The following FARS2 variants were observed in gnomAD, a reference collection of about 807,000 sequenced individuals.
The protein encoded by FARS2 is phenylalanyl-tRNA synthetase 2, mitochondrial.
In FARS2, 40 loss-of-function variants were observed where a neutral mutation model predicts 46.4. That is an observed-to-expected ratio of 0.86 (90% CI 0.67 to 1.12). The LOEUF is 1.12. FARS2 is among the 50% of genes most tolerant of loss of function. The pLI is 0.00. For missense variants in FARS2, 513 were observed against 567.9 expected (o/e 0.90, Z 0.98); for synonymous variants, 234 against 214.9 (o/e 1.09, Z -0.78).
chr6:5,445,819 C>T (rs1260502357), intron 4 of FARS2, among the ~76,000 whole-genome samples: 5 of 152,182 alleles, frequency 3.3e-5, no homozygotes, highest in Non-Finnish European at 7.3e-5. Context: ...CATGCCCATC[C>T]ATTGGCTGCT....
At chr6:5,725,061 T>C (rs1760159404) in intron 6 of FARS2, among the ~76,000 whole-genome samples, 1 of 152,266 alleles carries the variant, frequency 6.6e-6, no homozygotes, top group Non-Finnish European at 1.5e-5. Context: ...CAGTCAGCTA[T>C]GTCTTCTGTC....
At chr6:5,509,567 G>A (rs967016649) in intron 4 of FARS2, among the ~76,000 whole-genome samples, 21 of 152,170 alleles carry the variant, frequency 1.4e-4, no homozygotes, top group Non-Finnish European at 2.4e-4. Context: ...GGTTCTTAAG[G>A]GTAAGGCGAG....
intron 6 of FARS2, among the ~76,000 whole-genome samples, chr6:5,651,090 T>C (rs904866847): frequency 6.6e-6 from 1 of 152,128 alleles, no homozygotes; most frequent in Non-Finnish European, 1.5e-5. Flanking sequence ...CCCTCTCAGG[T>C]ATAAAGTAAT....
intron 6 of FARS2, among the ~76,000 whole-genome samples, chr6:5,623,813 G>GA (rs1443273257): frequency 1.3e-5 from 2 of 152,190 alleles, no homozygotes; most frequent in Non-Finnish European, 2.9e-5. Context: ...CCTGTGTTGG[G>GA]AAAATGCTGT....
At chr6:5,676,219 T>C (rs1021669352) in intron 6 of FARS2, among the ~76,000 whole-genome samples, 5 of 152,210 alleles carry the variant, frequency 3.3e-5, no homozygotes, top group African/African-American at 1.2e-4. Context: ...GGAAACACAC[T>C]TGAACCGAGC....
intron 1 of FARS2, among the ~76,000 whole-genome samples, chr6:5,349,881 GTT>G (rs199779414): frequency 5.2e-5 from 7 of 135,832 alleles, no homozygotes; most frequent in East Asian, 4.3e-4. Flanking sequence ...GGAGTTATAT[GTT>G]TTTTTTTTTT....
chr6:5,581,270 G>A (rs1773312045), intron 5 of FARS2, among the ~76,000 whole-genome samples: 1 of 152,158 alleles, frequency 6.6e-6, no homozygotes, highest in Non-Finnish European at 1.5e-5. Flanking sequence ...AACATTTACT[G>A]CTCTCTTGAC....
At chr6:5,755,995 G>A (rs1321688105) in intron 6 of FARS2, among the ~76,000 whole-genome samples, 1 of 152,186 alleles carries the variant, frequency 6.6e-6, no homozygotes, top group East Asian at 1.9e-4. Flanking sequence ...TCTGTGCCAA[G>A]GATATGTTTT....
At chr6:5,558,441 T>G (rs918446069) in intron 5 of FARS2, among the ~76,000 whole-genome samples, 1 of 152,198 alleles carries the variant, frequency 6.6e-6, no homozygotes, top group Non-Finnish European at 1.5e-5. Context: ...GTACTTCATA[T>G]AGTGGATAGT....
At chr6:5,576,624 C>A (rs368204393) in intron 5 of FARS2, among the ~76,000 whole-genome samples, 63 of 58,600 alleles carry the variant, frequency 1.1e-3, no homozygotes, top group Non-Finnish European at 1.9e-3. Flanking sequence ...AAGTATATAT[C>A]ATATATTAAC....
At chr6:5,651,958 G>C (rs936454856) in intron 6 of FARS2, among the ~76,000 whole-genome samples, 1 of 152,152 alleles carries the variant, frequency 6.6e-6, no homozygotes, top group Non-Finnish European at 1.5e-5. Context: ...ACACAGCTGG[G>C]AAAGCTGGGG....
At chr6:5,473,722 G>T (rs1251909307) in intron 4 of FARS2, among the ~76,000 whole-genome samples, 1 of 152,008 alleles carries the variant, frequency 6.6e-6, no homozygotes, top group Non-Finnish European at 1.5e-5. Flanking sequence ...TTATTTGCAG[G>T]CTAAATTGGA....
At chr6:5,713,968 C>T (rs1464350145) in intron 6 of FARS2, among the ~76,000 whole-genome samples, 5 of 152,118 alleles carry the variant, frequency 3.3e-5, no homozygotes, top group African/African-American at 1.2e-4. Flanking sequence ...TATAGTACAA[C>T]AAAATAAAAT....
intron 4 of FARS2, among the ~76,000 whole-genome samples, chr6:5,513,107 A>G (rs7758106): frequency 0.74 from 112,063 of 152,032 alleles, 41,672 homozygotes; most frequent in Non-Finnish European, 0.77. Flanking sequence ...GAGGGTGGAC[A>G]CTATGAGGTG....
chr6:5,571,891 G>T (rs1561721828), intron 5 of FARS2, among the ~76,000 whole-genome samples: 1 of 151,704 alleles, frequency 6.6e-6, no homozygotes, highest in Admixed American at 6.6e-5. Flanking sequence ...CAAACCTCTA[G>T]CCTCACTTCT....
intron 5 of FARS2, among the ~76,000 whole-genome samples, chr6:5,584,394 G>A (rs924772256): frequency 6.6e-6 from 1 of 152,052 alleles, no homozygotes; most frequent in African/African-American, 2.4e-5. Flanking sequence ...GAACAAACAA[G>A]CAGACCTTTT....
At chr6:5,687,582 T>C (rs1372107795) in intron 6 of FARS2, among the ~76,000 whole-genome samples, 2 of 152,254 alleles carry the variant, frequency 1.3e-5, no homozygotes, top group African/African-American at 4.8e-5. Flanking sequence ...ACCAATACCA[T>C]GCTGTTTTGG....
chr6:5,250,290 T>G, the FARS2 span, among the ~76,000 whole-genome samples: 2 of 152,148 alleles, frequency 1.3e-5, no homozygotes, highest in African/African-American at 2.4e-5. Flanking sequence ...ATTTAGAAAC[T>G]CTTGTAAACT....
chr6:5,624,357 T>C lies in FARS2; in HGVS notation c.1217+11037T>C, dbSNP rs374890491. ...TCCCCAAACACCTTGTTCCTCCTTGTTGCCCTGCACATCACCATTTGCCTA... is the reference window on the plus strand; with the variant it reads ...TCCCCAAACACCTTGTTCCTCCTTGCTGCCCTGCACATCACCATTTGCCTA... On this transcript the variant is annotated intron_variant, in intron 6 of 6. Transcript: ENST00000274680. Among the ~76,000 whole-genome samples, 34 of 152,252 alleles carry C rather than the reference T, an allele frequency of 2.2e-4. No homozygotes were observed. The East Asian group carries it at 6.4e-3, about 29-fold the overall frequency.
Sources: gnomAD v4.1 joint callset for allele counts (sites outside exome capture counted in the v4.1 genomes callset) on GRCh38, gnomAD v4.1.1 for gene constraint, MANE v1.5 for transcripts, NCBI Gene and HGNC (gene_info 2026-07-23, HGNC 2026-07-21) for gene names.